The following NXPE2 variants were observed in gnomAD, a reference collection of about 807,000 sequenced individuals.
NXPE2 encodes the protein NXPE family member 2.
In NXPE2, 34 loss-of-function variants were observed where a neutral mutation model predicts 34.4. That is an observed-to-expected ratio of 0.99 (90% confidence interval 0.75 to 1.31). NXPE2 has a LOEUF of 1.31. Among genes scored for constraint, NXPE2 ranks in the 40% most tolerant of loss-of-function variants. The pLI is 0.00. For missense variants in NXPE2, 649 were observed against 672.5 expected (o/e 0.97, Z 0.39); for synonymous variants, 235 against 231.3 (o/e 1.02, Z -0.15).
the NXPE2 span, among the ~76,000 whole-genome samples, chr11:114,604,890 C>G: frequency 2.6e-5 from 4 of 151,924 alleles, no homozygotes; most frequent in African/African-American, 9.7e-5. Context: ...TCACGGGTAA[C>G]CACTGTTACC....
the NXPE2 span, among the ~76,000 whole-genome samples, chr11:114,663,678 TTATCTATC>T: frequency 2.7e-3 from 390 of 146,054 alleles, 1 homozygote; most frequent in African/African-American, 7.1e-3. Flanking sequence ...ATCTATCTAT[TTATCTATC>T]TATCTATCTA....
chr11:114,606,739 G>T, the NXPE2 span, among the ~76,000 whole-genome samples: 2 of 151,692 alleles, frequency 1.3e-5, no homozygotes, highest in Admixed American at 1.3e-4. Flanking sequence ...ACTGCTACCT[G>T]CTGGATAATA....
intron 2 of NXPE2, among the ~76,000 whole-genome samples, chr11:114,680,566 T>C (rs1182725551): frequency 6.6e-6 from 1 of 152,090 alleles, no homozygotes; most frequent in Non-Finnish European, 1.5e-5. Flanking sequence ...TCTTCTATGC[T>C]TGTACCTTTT....
At chr11:114,663,622 T>TATC in the NXPE2 span, among the ~76,000 whole-genome samples, 3 of 96,994 alleles carry the variant, frequency 3.1e-5, no homozygotes, top group Non-Finnish European at 6.7e-5. Flanking sequence ...TCTATCTATC[T>TATC]ATCTATCTAT....
chr11:114,687,521 T>C (rs1405081469), intron 2 of NXPE2, among the ~76,000 whole-genome samples: 2 of 152,106 alleles, frequency 1.3e-5, no homozygotes, highest in Non-Finnish European at 2.9e-5. Flanking sequence ...TGTAACCTTG[T>C]AGTGAAGTAT....
intron 1 of NXPE2, among the ~76,000 whole-genome samples, 183 bp from the exon 2 acceptor site, chr11:114,679,474 T>C (rs1950911112): frequency 1.3e-5 from 2 of 152,034 alleles, no homozygotes; most frequent in African/African-American, 4.8e-5. Context: ...TTCTAGGAGT[T>C]TTGTTCCCTG....
chr11:114,530,682 C>T, the NXPE2 span: 21 of 1,613,924 alleles, frequency 1.3e-5, no homozygotes, highest in Non-Finnish European at 1.6e-5. Context: ...GTATGTATCT[C>T]GAGGGTTGAG....
At chr11:114,563,163 C>T in the NXPE2 span, among the ~76,000 whole-genome samples, 1 of 151,940 alleles carries the variant, frequency 6.6e-6, no homozygotes, top group African/African-American at 2.4e-5. Context: ...AAAAGAGGGG[C>T]CCTCTTTCTG....
chr11:114,698,817 G>T, intron 3 of NXPE2, 39 bp downstream of exon 3: 1 of 1,445,804 alleles, frequency 6.9e-7, no homozygotes. Flanking sequence ...ATAAAAAGAG[G>T]TATCCGACCA....
chr11:114,729,846 T>A, the NXPE2 span, among the ~76,000 whole-genome samples: 3 of 152,336 alleles, frequency 2.0e-5, no homozygotes, highest in Non-Finnish European at 4.4e-5. Context: ...TCTACCATTC[T>A]GTAGGTTATC....
the NXPE2 span, among the ~76,000 whole-genome samples, chr11:114,650,760 A>G: frequency 3.3e-5 from 5 of 152,270 alleles, no homozygotes; most frequent in South Asian, 1.0e-3. Flanking sequence ...CGGTTGCCAC[A>G]AGAAGGAGGA....
At chr11:114,718,516 T>C in the NXPE2 span, among the ~76,000 whole-genome samples, 2 of 152,214 alleles carry the variant, frequency 1.3e-5, no homozygotes, top group African/African-American at 4.8e-5. Context: ...CAATGCCTAA[T>C]TTTAATAAAC....
At chr11:114,732,698 TTCTC>T in the NXPE2 span, among the ~76,000 whole-genome samples, 1 of 152,224 alleles carries the variant, frequency 6.6e-6, no homozygotes, top group Admixed American at 6.5e-5. Flanking sequence ...TTCTTAAAAA[TTCTC>T]TCTGTTTTCT....
upstream of NXPE2, among the ~76,000 whole-genome samples, chr11:114,675,918 C>A (rs1950853502): frequency 6.6e-6 from 1 of 151,620 alleles, no homozygotes; most frequent in African/African-American, 2.4e-5. Flanking sequence ...AGAATGGAAC[C>A]AAATAGAGAC....
At chr11:114,806,788 C>T in the NXPE2 span, among the ~76,000 whole-genome samples, 1 of 151,912 alleles carries the variant, frequency 6.6e-6, no homozygotes, top group African/African-American at 2.4e-5. Flanking sequence ...TCCAGGAGAA[C>T]TTCCCCAATC....
At chr11:114,612,330 G>C in the NXPE2 span, among the ~76,000 whole-genome samples, 2 of 150,986 alleles carry the variant, frequency 1.3e-5, no homozygotes, top group Non-Finnish European at 3.0e-5. Context: ...GTTACCTGGT[G>C]GATAGTAAGT....
At chr11:114,799,509 T>G in the NXPE2 span, among the ~76,000 whole-genome samples, 1 of 152,002 alleles carries the variant, frequency 6.6e-6, no homozygotes, top group Non-Finnish European at 1.5e-5. Flanking sequence ...AGTGGGCACT[T>G]TGAGGGGAGA....
the NXPE2 span, among the ~76,000 whole-genome samples, chr11:114,564,458 G>A: frequency 6.6e-6 from 1 of 152,176 alleles, no homozygotes; most frequent in East Asian, 1.9e-4. Context: ...ATTTATATAT[G>A]AGTAAGATAC....
the NXPE2 span, among the ~76,000 whole-genome samples, chr11:114,625,622 G>A: frequency 6.6e-6 from 1 of 152,144 alleles, no homozygotes; most frequent in Non-Finnish European, 1.5e-5. Context: ...TTGCCTCGTG[G>A]GTAACTGCTG....
Sources: allele counts gnomAD v4.1 joint callset (sites outside exome capture counted in the v4.1 genomes callset), GRCh38; gene constraint gnomAD v4.1.1; transcripts MANE v1.5; gene names NCBI Gene and HGNC (gene_info 2026-07-23, HGNC 2026-07-21).